MET: variants seen among roughly 807,000 people sequenced by gnomAD.
The protein encoded by MET is hepatocyte growth factor receptor.
MET carries 48 observed loss-of-function variants against 133.1 expected under a neutral mutation model. That is an observed-to-expected ratio of 0.36 (90% CI 0.29 to 0.46). The LOEUF is 0.46. MET is among the 20% of genes least tolerant of loss of function. The pLI is 1.00. For missense variants in MET, 1,442 were observed against 1,695.9 expected, an observed-to-expected ratio of 0.85 and a Z score of 2.63; for synonymous variants, 628 against 616.5, an observed-to-expected ratio of 1.02 and a Z score of -0.28.
At chr7:116,679,068 TACTC>T (rs758236038) in intron 1 of MET, among the ~76,000 whole-genome samples, 39 of 152,344 alleles carry the variant, frequency 2.6e-4, no homozygotes, top group Non-Finnish European at 4.9e-4. Flanking sequence ...TTACCAGTAA[TACTC>T]AGTTGTAATC....
At chr7:116,755,012 G>GAAAGAAAGA (rs941568588) in intron 5 of MET, among the ~76,000 whole-genome samples, 2 of 150,352 alleles carry the variant, frequency 1.3e-5, no homozygotes, top group African/African-American at 4.9e-5. Context: ...AAGAAAGAAA[G>GAAAGAAAGA]AAAGAAAGAA....
chr7:116,713,274 A>T (rs888387477), intron 2 of MET, among the ~76,000 whole-genome samples: 22 of 151,890 alleles, frequency 1.4e-4, no homozygotes, highest in African/African-American at 4.8e-4. Flanking sequence ...GGGCGCCTGT[A>T]GTCCCAGCTA....
At chr7:116,707,120 A>G (rs1049669148) in intron 2 of MET, among the ~76,000 whole-genome samples, 1 of 152,038 alleles carries the variant, frequency 6.6e-6, no homozygotes, top group Non-Finnish European at 1.5e-5. Context: ...TGGAGCAGAC[A>G]AAGTGTAGCT....
rs1355987904 is a variant in MET at position 116,672,413 on chromosome 7, C to G, written c.-179C>G. The G allele has an allele frequency of 5.1e-6, 2 of 391,084 alleles. No individual in the cohort carries two copies. The highest frequency in any genetic ancestry group is 4.2e-5 in the African/African-American group (2 of 48,158). The allele number at this position is 391,084 out of a possible 1,614,324, so 24.2% of individuals were successfully genotyped here. A position where few individuals can be genotyped will look rare whatever the true frequency, so the allele number is the denominator to read the frequency against. On this transcript the variant is annotated 5_prime_UTR_variant, in exon 1 of 21. Transcript: ENST00000397752. ...CCGCAGGTGACCCGGAGGCCCTCGC[C>G]GCCCGCGGCGCCCCGAGCGCTTTGT... is the stretch of plus-strand genomic sequence containing the variant.
intron 5 of MET, among the ~76,000 whole-genome samples, chr7:116,755,040 G>GAAAGAAAGAAAGA (rs918744668): frequency 2.5e-5 from 1 of 39,370 alleles, no homozygotes; most frequent in Non-Finnish European, 6.0e-5. Context: ...AAGAAAGAAA[G>GAAAGAAAGAAAGA]AAAAGAAAGA....
intron 2 of MET, among the ~76,000 whole-genome samples, chr7:116,730,134 T>C (rs890662930): frequency 2.6e-5 from 4 of 152,156 alleles, no homozygotes; most frequent in African/African-American, 9.7e-5. Context: ...AGGGCAGGCC[T>C]CCTGAAGAAA....
chr7:116,703,617 G>A (rs376572638), intron 2 of MET, among the ~76,000 whole-genome samples: 24 of 151,946 alleles, frequency 1.6e-4, no homozygotes, highest in East Asian at 9.6e-4. Flanking sequence ...AAAATTAAGT[G>A]GAATTTAATT....
intron 10 of MET, among the ~76,000 whole-genome samples, chr7:116,760,220 C>G (rs1794345752): frequency 6.6e-6 from 1 of 152,186 alleles, no homozygotes; most frequent in South Asian, 2.1e-4. Context: ...AGTATTCTTG[C>G]ATTTCTAAGC....
rs534837239 is a variant in MET at position 116,725,312 on chromosome 7, C to CATT, written c.1201-6353_1201-6351dup. On this transcript the variant is annotated intron_variant, in intron 2 of 20. Transcript: ENST00000397752. ...AATCTACTCTGCAAATGTTATGTAA[C>CATT]ATTATAATTGTGAGTTCAGCAAAGC... 6.5e-4 allele frequency among the ~76,000 whole-genome samples: 99 copies of CATT among 152,088 alleles called. 1 individual carries two copies. In the South Asian group the frequency reaches 0.016, roughly 25 times the overall value.
chr7:116,681,180 G>A (rs1796344537), intron 1 of MET, among the ~76,000 whole-genome samples: 1 of 152,086 alleles, frequency 6.6e-6, no homozygotes, highest in Non-Finnish European at 1.5e-5. Context: ...AAGAATAGCA[G>A]GAATATGTCA....
intron 2 of MET, among the ~76,000 whole-genome samples, chr7:116,701,447 C>T (rs1387008126): frequency 6.6e-6 from 1 of 152,096 alleles, no homozygotes; most frequent in Non-Finnish European, 1.5e-5. Flanking sequence ...ATTTGGTTGA[C>T]TTTTGCTGAA....
Position 116,762,973 on chromosome 7 carries a change from G to C in MET, c.2365-77G>C, listed in dbSNP as rs906151787. The stretch of plus-strand genomic sequence containing the variant: ...AAATTATATATTTTCAATTGATTGG[G>C]GTGGTAAATTATAAAGTTGCTATGG... On this transcript the variant is annotated intron_variant, in intron 10 of 20. Transcript: ENST00000397752. 4.4e-6 allele frequency: 5 copies of C among 1,144,882 alleles called. No individual in the cohort carries two copies. In the African/African-American group the frequency reaches 7.7e-5, roughly 18 times the overall value. The allele number at this position is 1,144,882 out of a possible 1,614,324, so 70.9% of individuals were successfully genotyped here.
At chr7:116,760,299 T>C (rs989179135) in intron 10 of MET, among the ~76,000 whole-genome samples, 1 of 152,144 alleles carries the variant, frequency 6.6e-6, no homozygotes. Flanking sequence ...GTTAGCTCTT[T>C]CTTGAAAGAG....
intron 6 of MET, among the ~76,000 whole-genome samples, chr7:116,755,769 C>A (rs534491220): frequency 6.6e-6 from 1 of 152,182 alleles, no homozygotes; most frequent in African/African-American, 2.4e-5. Context: ...ACCATTTATG[C>A]GACAAGTCTT....
intron 2 of MET, chr7:116,724,626 A>G (rs994243395): frequency 2.4e-6 from 1 of 420,878 alleles, no homozygotes; most frequent in African/African-American, 2.0e-5. Context: ...CATCCCAAGC[A>G]ATGATTTGTT....
intron 1 of MET, among the ~76,000 whole-genome samples, chr7:116,679,524 T>C (rs1796275091): frequency 1.3e-5 from 2 of 152,182 alleles, no homozygotes; most frequent in African/African-American, 4.8e-5. Context: ...TCATCCTTCC[T>C]CCCACCTTGA....
chr7:116,685,360 G>A (rs1337042061), intron 1 of MET, among the ~76,000 whole-genome samples: 1 of 152,224 alleles, frequency 6.6e-6, no homozygotes, highest in African/African-American at 2.4e-5. Context: ...CTGCATGCCC[G>A]GCATCTCCAC....
chr7:116,774,340 C>G (rs1461621226), intron 14 of MET, among the ~76,000 whole-genome samples: 1 of 152,222 alleles, frequency 6.6e-6, no homozygotes, highest in African/African-American at 2.4e-5. Context: ...AGTGCCATCA[C>G]TGCACAGTGG....
chr7:116,753,334 A>G (rs1189329783), intron 5 of MET, among the ~76,000 whole-genome samples: 1 of 152,206 alleles, frequency 6.6e-6, no homozygotes, highest in African/African-American at 2.4e-5. Context: ...TTACAGCACA[A>G]TTTACAATAT....
Sources: allele counts gnomAD v4.1 joint callset (sites outside exome capture counted in the v4.1 genomes callset), GRCh38; gene constraint gnomAD v4.1.1; transcripts MANE v1.5; gene names NCBI Gene and HGNC (gene_info 2026-07-23, HGNC 2026-07-21).